The following SGPP2 variants were observed in gnomAD, a reference collection of about 807,000 sequenced individuals.
The protein encoded by SGPP2 is sphingosine-1-phosphate phosphatase 2.
In SGPP2, 30 loss-of-function variants were observed where a neutral mutation model predicts 33.9. The ratio of observed to expected loss-of-function variants is 0.89; its 90% CI spans 0.66 to 1.20. The LOEUF (loss-of-function observed/expected upper bound fraction) is 1.20, where lower values mean the gene tolerates loss of function less well. Ranked by LOEUF, SGPP2 falls within the 50% of genes most tolerant of loss-of-function variation. The pLI is 0.00. For synonymous variants in SGPP2, 233 were observed against 225.0 expected, an observed-to-expected ratio of 1.04 and a Z score of -0.32; for missense variants, 458 against 532.1, an observed-to-expected ratio of 0.86 and a Z score of 1.37.
intron 4 of SGPP2, among the ~76,000 whole-genome samples, chr2:222,556,135 G>A (rs1409710842): frequency 1.3e-5 from 2 of 152,144 alleles, no homozygotes; most frequent in Non-Finnish European, 2.9e-5. Context: ...CTGAGTGCAG[G>A]AGCTTAGAAG....
At chr2:222,547,820 T>C (rs1689227345) in intron 4 of SGPP2, among the ~76,000 whole-genome samples, 1 of 152,210 alleles carries the variant, frequency 6.6e-6, no homozygotes, top group Admixed American at 6.5e-5. Context: ...AATAATTATC[T>C]ACTTGCTAGG....
chr2:222,497,102 A>G (rs1574861632), intron 2 of SGPP2, among the ~76,000 whole-genome samples: 2 of 152,150 alleles, frequency 1.3e-5, no homozygotes, highest in Non-Finnish European at 2.9e-5. Flanking sequence ...GCCCTGATGG[A>G]AAGTTGGGAA....
chr2:222,478,171 C>T (rs766635851), intron 2 of SGPP2, among the ~76,000 whole-genome samples: 2 of 75,968 alleles, frequency 2.6e-5, no homozygotes, highest in Non-Finnish European at 5.1e-5. Flanking sequence ...TTCCAAGGGG[C>T]GAGAGGGAGA....
In SGPP2 at chr2:222,540,672, C is replaced by A. The variant is rs141028428; in HGVS notation, c.648+15639C>A. Among the ~76,000 whole-genome samples the A allele has an allele frequency of 6.9e-3, 1,047 of 152,154 alleles. 5 individuals are homozygous for A. Among genetic ancestry groups the A allele is most frequent in the African/African-American group, 0.024 (996 of 41,474 alleles). ...ATCTGTCAATAAATCTATTTTTTCTCCCTTATTTATCTGCACTTTATTGAG... is the reference window on the plus strand; with the variant it reads ...ATCTGTCAATAAATCTATTTTTTCTACCTTATTTATCTGCACTTTATTGAG... On this transcript the variant is annotated intron_variant, in intron 4 of 4. Coordinates refer to ENST00000321276, the MANE Select transcript of SGPP2 (RefSeq NM_152386.4).
intron 2 of SGPP2, among the ~76,000 whole-genome samples, chr2:222,497,054 T>C (rs1322697600): frequency 6.6e-6 from 1 of 152,158 alleles, no homozygotes; most frequent in Non-Finnish European, 1.5e-5. Flanking sequence ...CTTTTTAAAA[T>C]GGAATGGTTT....
At chr2:222,505,761 C>T (rs549914719) in intron 2 of SGPP2, among the ~76,000 whole-genome samples, 1 of 151,776 alleles carries the variant, frequency 6.6e-6, no homozygotes, top group East Asian at 1.9e-4. Context: ...TGGCAAAACC[C>T]CATCTCTACA....
intron 1 of SGPP2, among the ~76,000 whole-genome samples, chr2:222,464,311 T>A (rs1466134882): frequency 6.6e-6 from 1 of 152,244 alleles, no homozygotes; most frequent in African/African-American, 2.4e-5. Context: ...TGCCAATGTC[T>A]CTTATTGTCT....
chr2:222,515,218 C>CCTCT (rs112925906), intron 2 of SGPP2, among the ~76,000 whole-genome samples: 352 of 152,288 alleles, frequency 2.3e-3, no homozygotes, highest in African/African-American at 8.0e-3. Context: ...TCAGGCCAGG[C>CCTCT]CTCTGCCCAG....
At chr2:222,439,873 G>A (rs1404780152) in intron 1 of SGPP2, among the ~76,000 whole-genome samples, 4 of 152,196 alleles carry the variant, frequency 2.6e-5, no homozygotes, top group Non-Finnish European at 5.9e-5. Context: ...GTCTGCACTT[G>A]TGATAAAATG....
At position 222,558,566 on chromosome 2, in the gene SGPP2, G is replaced by A; in HGVS notation, c.868G>A (p.Gly290Arg). ...ILAAGAGVTI[G>R]FWINHFFQLV... Reference sequence around the variant, plus strand: ...GGCTGCCGGGGCTGGAGTGACCATAGGATTCTGGATCAACCATTTCTTCCA... The same window carrying A: ...GGCTGCCGGGGCTGGAGTGACCATAAGATTCTGGATCAACCATTTCTTCCA... Residue 290 changes from glycine to arginine, a missense_variant, in exon 5 of 5, where the codon GGA (glycine) becomes AGA (arginine). Coordinates refer to ENST00000321276, the MANE Select transcript of SGPP2 (RefSeq NM_152386.4). 6.2e-7 allele frequency: 1 copy of A among 1,614,154 alleles called. No homozygotes were observed. Among genetic ancestry groups the A allele is most frequent in the Non-Finnish European group, 8.5e-7 (1 of 1,180,016 alleles).
intron 1 of SGPP2, among the ~76,000 whole-genome samples, chr2:222,454,364 G>A (rs1398717051): frequency 1.3e-5 from 2 of 152,108 alleles, no homozygotes; most frequent in African/African-American, 4.8e-5. Flanking sequence ...AAGCATGCAA[G>A]GTGAAATGTG....
At chr2:222,524,914 A>G in intron 3 of SGPP2, 30 bp from the exon 4 acceptor site, 1 of 1,559,934 alleles carries the variant, frequency 6.4e-7, no homozygotes, top group Non-Finnish European at 8.8e-7. Context: ...GTGTGATCTA[A>G]TTCCCTTGTT....
chr2:222,426,659 A>G (rs1207573459), intron 1 of SGPP2, among the ~76,000 whole-genome samples: 2 of 152,232 alleles, frequency 1.3e-5, no homozygotes, highest in Admixed American at 1.3e-4. Flanking sequence ...TGAATGCCCA[A>G]GATAAGAAAT....
At chr2:222,452,793 G>T in intron 1 of SGPP2, 1 of 1,552,960 alleles carries the variant, frequency 6.4e-7, no homozygotes, top group Non-Finnish European at 8.9e-7. Context: ...GGGGTAGGTA[G>T]GTGCTGAGGC....
intron 2 of SGPP2, among the ~76,000 whole-genome samples, chr2:222,475,078 G>A (rs1697910621): frequency 6.6e-6 from 1 of 152,152 alleles, no homozygotes; most frequent in East Asian, 1.9e-4. Flanking sequence ...ACCAGTTTTA[G>A]GGAGGGACAA....
At chr2:222,428,856 A>G (rs1697111386) in intron 1 of SGPP2, among the ~76,000 whole-genome samples, 1 of 134,016 alleles carries the variant, frequency 7.5e-6, no homozygotes, top group Non-Finnish European at 1.5e-5. Flanking sequence ...CAGTGGCTCC[A>G]TCTCAGCTCA....
intron 2 of SGPP2, among the ~76,000 whole-genome samples, chr2:222,506,752 G>T (rs1056977430): frequency 7.2e-5 from 11 of 152,070 alleles, no homozygotes; most frequent in Non-Finnish European, 1.6e-4. Context: ...AAGGTCAGTT[G>T]TATATTACAA....
intron 4 of SGPP2, among the ~76,000 whole-genome samples, chr2:222,535,581 C>A (rs1007309847): frequency 7.9e-5 from 12 of 152,320 alleles, no homozygotes; most frequent in African/African-American, 2.6e-4. Flanking sequence ...CAGAGAGCCA[C>A]AGTCGAAAGG....
intron 1 of SGPP2, among the ~76,000 whole-genome samples, chr2:222,463,858 A>G (rs1466717824): frequency 6.6e-6 from 1 of 152,228 alleles, no homozygotes; most frequent in Non-Finnish European, 1.5e-5. Flanking sequence ...CATTTTTGGC[A>G]GTGCCTTTTA....
Sources: gnomAD v4.1 joint callset for allele counts (sites outside exome capture counted in the v4.1 genomes callset) on GRCh38, gnomAD v4.1.1 for gene constraint, MANE v1.5 for transcripts, NCBI Gene and HGNC (gene_info 2026-07-23, HGNC 2026-07-21) for gene names.